UBE2E2: variants seen among roughly 807,000 people sequenced by gnomAD.
UBE2E2 encodes the protein ubiquitin conjugating enzyme E2 E2, also known as ubiquitin-conjugating enzyme E2 E2.
Under a neutral mutation model 24.7 loss-of-function variants are expected in UBE2E2, and 6 were observed. The ratio of observed to expected loss-of-function variants is 0.24; its 90% CI spans 0.13 to 0.48. The LOEUF is 0.48. Among genes scored for constraint, UBE2E2 ranks in the 20% least tolerant of loss-of-function variants. The pLI is 0.99. For synonymous variants in UBE2E2, 104 were observed against 83.6 expected (o/e 1.24, Z -1.33); for missense variants, 169 against 245.0 (o/e 0.69, Z 2.07).
intron 3 of UBE2E2, among the ~76,000 whole-genome samples, chr3:23,382,184 T>TTTA (rs1215224246): frequency 1.4e-5 from 2 of 144,320 alleles, no homozygotes; most frequent in Non-Finnish European, 3.0e-5. Flanking sequence ...TTTAATTTTT[T>TTTA]TTTTTTTTTT....
chr3:23,389,200 T>C (rs1696880345), intron 3 of UBE2E2, among the ~76,000 whole-genome samples: 1 of 152,224 alleles, frequency 6.6e-6, no homozygotes. Flanking sequence ...TATCACTTAC[T>C]AGGGAGCAGA....
intron 3 of UBE2E2, among the ~76,000 whole-genome samples, chr3:23,462,150 A>G (rs999882362): frequency 6.6e-6 from 1 of 152,192 alleles, no homozygotes; most frequent in African/African-American, 2.4e-5. Context: ...CTATTGTATA[A>G]ATTTTAACTT....
chr3:23,547,942 T>C (rs1695559355), intron 5 of UBE2E2, among the ~76,000 whole-genome samples: 1 of 152,210 alleles, frequency 6.6e-6, no homozygotes, highest in Non-Finnish European at 1.5e-5. Flanking sequence ...TCCCATACTT[T>C]GAAGTAGCTG....
intron 3 of UBE2E2, among the ~76,000 whole-genome samples, chr3:23,483,498 G>C (rs1473576439): frequency 2.0e-5 from 3 of 152,216 alleles, no homozygotes; most frequent in Non-Finnish European, 4.4e-5. Flanking sequence ...TATGAAAGGT[G>C]TCTGGCTTAA....
intron 5 of UBE2E2, among the ~76,000 whole-genome samples, chr3:23,587,261 A>G (rs996198598): frequency 1.9e-4 from 29 of 152,214 alleles, no homozygotes; most frequent in African/African-American, 6.8e-4. Flanking sequence ...CTGAAATACT[A>G]TTAACAGTTG....
At chr3:23,546,666 T>C (rs932749881) in intron 5 of UBE2E2, among the ~76,000 whole-genome samples, 4 of 151,296 alleles carry the variant, frequency 2.6e-5, no homozygotes, top group African/African-American at 9.7e-5. Context: ...AGAGGTGGGG[T>C]TTCTCCATGT....
intron 3 of UBE2E2, among the ~76,000 whole-genome samples, chr3:23,393,252 A>G (rs1402887804): frequency 6.6e-6 from 1 of 152,186 alleles, no homozygotes; most frequent in African/African-American, 2.4e-5. Flanking sequence ...ATTGGATAAG[A>G]AGTATGAGGG....
At chr3:23,430,325 A>G (rs539588661) in intron 3 of UBE2E2, among the ~76,000 whole-genome samples, 81 of 152,144 alleles carry the variant, frequency 5.3e-4, no homozygotes, top group Non-Finnish European at 1.0e-3. Flanking sequence ...CTTCTATAAT[A>G]TAGCACTTAA....
At position 23,589,958 on chromosome 3, in the gene UBE2E2, T is replaced by G; in HGVS notation, c.*127T>G. On this transcript the variant is annotated 3_prime_UTR_variant, in exon 6 of 6. Coordinates refer to ENST00000396703, the MANE Select transcript of UBE2E2 (RefSeq NM_152653.4). This position sits in a 1 kb window ranked among gnomAD's most constrained non-coding sequence, Gnocchi z 4.1. ...TTTTATTAAATTTGGAACCATTTTG[T>G]GATGGTATGTTGTCCATCTTCCCAT... 1.2e-6 allele frequency: 1 copy of G among 828,500 alleles called. No homozygotes were observed. The highest frequency in any genetic ancestry group is 1.9e-6 in the Non-Finnish European group (1 of 528,188). 51.3% of individuals were successfully genotyped at this position (828,500 alleles called of 1,614,324 possible). A position where few individuals can be genotyped will look rare whatever the true frequency, so the allele number is the denominator to read the frequency against.
At chr3:23,299,414 G>A (rs1699007616) in intron 3 of UBE2E2, among the ~76,000 whole-genome samples, 3 of 151,678 alleles carry the variant, frequency 2.0e-5, no homozygotes, top group Admixed American at 2.0e-4. Context: ...TTCTCTTGTG[G>A]GCATTTAGTG....
rs542354350 is a variant in UBE2E2 at position 23,384,796 on chromosome 3, G to A, written c.228-114812G>A. ...GACCTCGTGATCCGCCCACCTCGGC[G>A]TCCAAAAGTGCTGGGATTACAGGCG... On this transcript the variant is annotated intron_variant, in intron 3 of 5. Coordinates refer to ENST00000396703, the MANE Select transcript of UBE2E2 (RefSeq NM_152653.4). Among the ~76,000 whole-genome samples, 10 of 151,204 alleles carry A rather than the reference G, an allele frequency of 6.6e-5. 1 individual carries two copies. Among genetic ancestry groups the A allele is most frequent in the South Asian group, 2.1e-4 (1 of 4,774 alleles).
intron 3 of UBE2E2, among the ~76,000 whole-genome samples, chr3:23,260,207 T>C (rs1383136744): frequency 6.6e-6 from 1 of 152,216 alleles, no homozygotes; most frequent in African/African-American, 2.4e-5. Context: ...CTAATGGATA[T>C]ATTATGCAAT....
intron 3 of UBE2E2, among the ~76,000 whole-genome samples, chr3:23,385,573 T>C (rs187383308): frequency 2.0e-5 from 3 of 152,236 alleles, no homozygotes; most frequent in Non-Finnish European, 4.4e-5. Flanking sequence ...ATCTCACAGC[T>C]GATGCTGATG....
At chr3:23,533,708 C>T (rs985213334) in intron 5 of UBE2E2, among the ~76,000 whole-genome samples, 18 of 148,308 alleles carry the variant, frequency 1.2e-4, no homozygotes, top group African/African-American at 4.5e-4. Context: ...CCGCAACCTC[C>T]GCCTCCTGGA....
At chr3:23,313,696 T>A (rs1212551756) in intron 3 of UBE2E2, among the ~76,000 whole-genome samples, 1 of 152,174 alleles carries the variant, frequency 6.6e-6, no homozygotes, top group Admixed American at 6.5e-5. Flanking sequence ...CTTGTTTTTT[T>A]AATCCTTGCA....
intron 5 of UBE2E2, among the ~76,000 whole-genome samples, chr3:23,558,938 T>C (rs965186752): frequency 5.3e-5 from 8 of 152,192 alleles, no homozygotes; most frequent in Admixed American, 6.5e-5. Context: ...GTGCTAAAAA[T>C]AAATTGTATA....
chr3:23,249,697 G>A (rs989348681), intron 3 of UBE2E2, among the ~76,000 whole-genome samples: 18 of 151,068 alleles, frequency 1.2e-4, no homozygotes, highest in Non-Finnish European at 2.1e-4. Flanking sequence ...GCTCTTTCGC[G>A]CAGACTGGAG....
chr3:23,228,664 A>G (rs765984676), intron 3 of UBE2E2, among the ~76,000 whole-genome samples: 9 of 152,246 alleles, frequency 5.9e-5, no homozygotes, highest in South Asian at 2.1e-4. Context: ...TTTTTGGGCT[A>G]TGTTTCTAAA....
rs572771264 is a variant in UBE2E2 at position 23,288,955 on chromosome 3, G to T, written c.227+71643G>T. ...GGGGCATGGGGGAGGGGTGGCATTG[G>T]CAGTTCAAGACTGTCCTACCCTCTT... On this transcript the variant is annotated intron_variant, in intron 3 of 5. Transcript: ENST00000396703. Among the ~76,000 whole-genome samples the T allele has an allele frequency of 6.4e-4, 97 of 152,296 alleles. 1 individual carries two copies. The highest frequency in any genetic ancestry group is 2.2e-3 in the African/African-American group (93 of 41,556).
Sources: allele counts gnomAD v4.1 joint callset (sites outside exome capture counted in the v4.1 genomes callset), GRCh38; gene constraint gnomAD v4.1.1; non-coding constraint Gnocchi (gnomAD v3.1); transcripts MANE v1.5; gene names NCBI Gene and HGNC (gene_info 2026-07-23, HGNC 2026-07-21).